CCSER1: variants seen among roughly 807,000 people sequenced by gnomAD.
CCSER1 encodes the protein coiled-coil serine rich protein 1, also known as serine-rich coiled-coil domain-containing protein 1.
In CCSER1, 41 loss-of-function variants were observed where a neutral mutation model predicts 82.0. The ratio of observed to expected loss-of-function variants is 0.50; its 90% confidence interval spans 0.39 to 0.65. The LOEUF is 0.65. Ranked by LOEUF, CCSER1 falls within the 30% of genes least tolerant of loss-of-function variation. The pLI is 0.00. For synonymous variants in CCSER1, 414 were observed against 383.9 expected (o/e 1.08, Z -0.92); for missense variants, 1,119 against 1,064.2 (o/e 1.05, Z -0.72).
At chr4:90,369,358 GA>G (rs999420858) in intron 3 of CCSER1, among the ~76,000 whole-genome samples, 2 of 150,140 alleles carry the variant, frequency 1.3e-5, no homozygotes, top group Non-Finnish European at 3.0e-5. Flanking sequence ...AAAAGAGGAG[GA>G]AAAGGAAAAG....
chr4:90,906,786 GT>G (rs1286789117), intron 8 of CCSER1, among the ~76,000 whole-genome samples: 6 of 151,472 alleles, frequency 4.0e-5, no homozygotes, highest in Non-Finnish European at 8.8e-5. Flanking sequence ...AAGGGTTCTG[GT>G]TTTTTTTAAT....
chr4:91,434,846 C>T (rs962743900), intron 10 of CCSER1, among the ~76,000 whole-genome samples: 6 of 152,144 alleles, frequency 3.9e-5, no homozygotes, highest in African/African-American at 1.4e-4. Context: ...GGCTCAGGGT[C>T]CTGGTGAAAG....
intron 1 of CCSER1, among the ~76,000 whole-genome samples, chr4:90,296,404 A>G (rs1731934379): frequency 6.6e-6 from 1 of 152,140 alleles, no homozygotes; most frequent in Non-Finnish European, 1.5e-5. Flanking sequence ...CCTTTGCCAG[A>G]TGAGTAGGAT....
At chr4:90,792,301 T>C (rs1311117468) in intron 7 of CCSER1, among the ~76,000 whole-genome samples, 2 of 152,210 alleles carry the variant, frequency 1.3e-5, no homozygotes, top group East Asian at 1.9e-4. Context: ...TAAAATAGGG[T>C]ACTATGTATA....
At chr4:91,339,632 C>T (rs188639255) in intron 10 of CCSER1, among the ~76,000 whole-genome samples, 65 of 152,196 alleles carry the variant, frequency 4.3e-4, no homozygotes, top group Admixed American at 1.3e-3. Context: ...TTCAGTACCA[C>T]TTTTTTCTTT....
intron 3 of CCSER1, among the ~76,000 whole-genome samples, chr4:90,371,460 A>G (rs775011203): frequency 6.6e-6 from 1 of 152,134 alleles, no homozygotes; most frequent in Non-Finnish European, 1.5e-5. Context: ...TTGTGAGATA[A>G]CATCATTATT....
At chr4:91,058,930 A>T (rs57676449) in intron 9 of CCSER1, among the ~76,000 whole-genome samples, 3,266 of 152,090 alleles carry the variant, frequency 0.021, 103 homozygotes, top group African/African-American at 0.073. Context: ...AGACTTTAGA[A>T]GGCTGATCAA....
intron 10 of CCSER1, among the ~76,000 whole-genome samples, chr4:91,411,525 T>A (rs1281734662): frequency 1.5e-5 from 2 of 129,548 alleles, no homozygotes; most frequent in Non-Finnish European, 3.2e-5. Flanking sequence ...TATATATATA[T>A]AAAATCTTGA....
chr4:90,131,279 G>A (rs1722791619), intron 1 of CCSER1, among the ~76,000 whole-genome samples: 1 of 152,252 alleles, frequency 6.6e-6, no homozygotes, highest in Non-Finnish European at 1.5e-5. Context: ...GGGGTAACAG[G>A]CGTGAGCTAC....
At chr4:90,925,045 A>T (rs1728883811) in intron 9 of CCSER1, among the ~76,000 whole-genome samples, 1 of 152,146 alleles carries the variant, frequency 6.6e-6, no homozygotes, top group Non-Finnish European at 1.5e-5. Flanking sequence ...TTTTAATGAA[A>T]ATATTTATAT....
At chr4:90,987,643 C>T (rs1487435488) in intron 9 of CCSER1, among the ~76,000 whole-genome samples, 1 of 151,570 alleles carries the variant, frequency 6.6e-6, no homozygotes, top group African/African-American at 2.4e-5. Context: ...TTTAATTCAA[C>T]TTGTGTTTTT....
chr4:90,230,501 T>C (rs1044001443), intron 1 of CCSER1, among the ~76,000 whole-genome samples: 1 of 151,968 alleles, frequency 6.6e-6, no homozygotes, highest in South Asian at 2.1e-4. Context: ...TAGCACTAAA[T>C]GCCCACAAGA....
intron 9 of CCSER1, among the ~76,000 whole-genome samples, chr4:91,067,051 G>C (rs1720893928): frequency 1.3e-5 from 2 of 152,080 alleles, no homozygotes; most frequent in African/African-American, 2.4e-5. Context: ...TGTAGTCCCA[G>C]CTATTTGGGA....
chr4:91,260,643 C>G (rs980315788), intron 10 of CCSER1, among the ~76,000 whole-genome samples: 1 of 152,158 alleles, frequency 6.6e-6, no homozygotes, highest in African/African-American at 2.4e-5. Flanking sequence ...TTTGAGTCTT[C>G]TTACGGCAAA....
chr4:91,080,655 T>G (rs1315988734), intron 9 of CCSER1, among the ~76,000 whole-genome samples: 1 of 151,654 alleles, frequency 6.6e-6, no homozygotes, highest in African/African-American at 2.4e-5. Flanking sequence ...ATCAACAAAA[T>G]TGATAGACCA....
At chr4:90,599,665 T>C (rs563552459) in intron 5 of CCSER1, among the ~76,000 whole-genome samples, 120 of 152,264 alleles carry the variant, frequency 7.9e-4, no homozygotes, top group Non-Finnish European at 1.5e-3. Context: ...TATGTGACCA[T>C]CCTGAGTTTC....
chr4:90,714,115 G>C (rs1420272059), intron 6 of CCSER1, among the ~76,000 whole-genome samples: 1 of 151,840 alleles, frequency 6.6e-6, no homozygotes, highest in Non-Finnish European at 1.5e-5. Context: ...GACCGCAGCT[G>C]CTTCTATTCG....
chr4:90,445,104 G>T (rs1278285252), intron 4 of CCSER1, among the ~76,000 whole-genome samples: 1 of 151,808 alleles, frequency 6.6e-6, no homozygotes, highest in African/African-American at 2.4e-5. Flanking sequence ...GAAAGACTTG[G>T]GTTCCTTGCC....
chr4:90,802,614 C>A (rs537756991), intron 7 of CCSER1, among the ~76,000 whole-genome samples: 1 of 151,948 alleles, frequency 6.6e-6, no homozygotes, highest in East Asian at 1.9e-4. Context: ...AATTGTTTTG[C>A]GCTAACTAAT....
Sources: allele counts gnomAD v4.1 joint callset (sites outside exome capture counted in the v4.1 genomes callset), GRCh38; gene constraint gnomAD v4.1.1; transcripts MANE v1.5; gene names NCBI Gene and HGNC (gene_info 2026-07-23, HGNC 2026-07-21).